AMOTL1: variants seen among roughly 807,000 people sequenced by gnomAD.
AMOTL1 encodes the protein angiomotin-like protein 1.
In AMOTL1, 45 loss-of-function variants were observed where a neutral mutation model predicts 102.9. That is an observed-to-expected ratio of 0.44 (90% CI 0.34 to 0.56). The LOEUF (loss-of-function observed/expected upper bound fraction) is 0.56. Among genes scored for constraint, AMOTL1 ranks in the 20% least tolerant of loss-of-function variants. AMOTL1 has a pLI of 0.01. For synonymous variants in AMOTL1, 481 were observed against 484.7 expected, an observed-to-expected ratio of 0.99 and a Z score of 0.10; for missense variants, 1,114 against 1,225.6, an observed-to-expected ratio of 0.91 and a Z score of 1.36.
intron 3 of AMOTL1, among the ~76,000 whole-genome samples, chr11:94,815,467 A>T (rs930054090): frequency 8.5e-5 from 13 of 152,154 alleles, no homozygotes; most frequent in African/African-American, 2.2e-4. Context: ...ATCTGGTTGA[A>T]AAAACAATTA....
chr11:94,748,037 G>A (rs1380805208), intron 3 of AMOTL1, among the ~76,000 whole-genome samples: 1 of 152,160 alleles, frequency 6.6e-6, no homozygotes, highest in Admixed American at 6.5e-5. Flanking sequence ...GACTATACCA[G>A]TCGTATTTCT....
intron 9 of AMOTL1, among the ~76,000 whole-genome samples, chr11:94,861,454 C>T (rs1034520804): frequency 6.6e-6 from 1 of 152,154 alleles, no homozygotes; most frequent in African/African-American, 2.4e-5. Context: ...GTCTAGTGCA[C>T]TGCTGTCCAC....
At chr11:94,725,490 A>T (rs1256536645) in intron 1 of AMOTL1, among the ~76,000 whole-genome samples, 1 of 152,166 alleles carries the variant, frequency 6.6e-6, no homozygotes, top group African/African-American at 2.4e-5. Context: ...TTATGATGAC[A>T]CTGTGCAAAT....
intron 3 of AMOTL1, among the ~76,000 whole-genome samples, chr11:94,805,134 G>A (rs545208100): frequency 1.3e-5 from 2 of 152,298 alleles, no homozygotes; most frequent in African/African-American, 2.4e-5. Flanking sequence ...CAGTGGAGCC[G>A]CAGATTTAAG....
chr11:94,764,819 T>C (rs1487446705), upstream of AMOTL1, among the ~76,000 whole-genome samples: 1 of 152,234 alleles, frequency 6.6e-6, no homozygotes, highest in Non-Finnish European at 1.5e-5. Context: ...TTTCTAACTT[T>C]TACTGAATTC....
chr11:94,749,346 G>A (rs887539326), intron 3 of AMOTL1, among the ~76,000 whole-genome samples: 5 of 152,146 alleles, frequency 3.3e-5, no homozygotes, highest in Admixed American at 3.3e-4. Flanking sequence ...CCTTTCCTCA[G>A]CCCTTTTGGT....
intron 2 of AMOTL1, among the ~76,000 whole-genome samples, chr11:94,740,621 G>T (rs1950507290): frequency 6.6e-6 from 1 of 151,926 alleles, no homozygotes; most frequent in East Asian, 1.9e-4. Context: ...CGGGCTGAGG[G>T]CAGAGGATGC....
chr11:94,742,487 G>C (rs1950540526), intron 3 of AMOTL1, among the ~76,000 whole-genome samples: 1 of 152,208 alleles, frequency 6.6e-6, no homozygotes, highest in Non-Finnish European at 1.5e-5. Flanking sequence ...TTGTGCTTCA[G>C]GAAGGCCCAG....
chr11:94,786,475 A>T (rs1315846552), intron 1 of AMOTL1, among the ~76,000 whole-genome samples: 3 of 152,190 alleles, frequency 2.0e-5, no homozygotes, highest in Admixed American at 6.5e-5. Context: ...TGGGCTCAGG[A>T]CCTGCCTGTG....
chr11:94,747,790 G>A (rs1950607317), intron 3 of AMOTL1, among the ~76,000 whole-genome samples: 1 of 152,134 alleles, frequency 6.6e-6, no homozygotes. Flanking sequence ...ATCTTCTAGG[G>A]GCTCAGATTC....
intron 5 of AMOTL1, 41 bp from the exon 6 acceptor site, chr11:94,831,411 C>A: frequency 6.7e-7 from 1 of 1,489,050 alleles, no homozygotes; most frequent in Non-Finnish European, 9.3e-7. Flanking sequence ...TGACTTCAAT[C>A]CATATACATT....
chr11:94,814,519 A>G (rs1951733732), intron 3 of AMOTL1, among the ~76,000 whole-genome samples: 1 of 152,202 alleles, frequency 6.6e-6, no homozygotes, highest in Non-Finnish European at 1.5e-5. Flanking sequence ...TAAACGAGGG[A>G]GAAGGAGTGT....
intron 3 of AMOTL1, among the ~76,000 whole-genome samples, chr11:94,747,359 CAGGAG>C (rs1449791217): frequency 6.6e-6 from 1 of 152,044 alleles, no homozygotes; most frequent in African/African-American, 2.4e-5. Context: ...CTATGAGTGC[CAGGAG>C]AGGAGTGTGT....
chr11:94,837,732 G>A (rs758679309), intron 6 of AMOTL1, among the ~76,000 whole-genome samples: 1 of 152,204 alleles, frequency 6.6e-6, no homozygotes. Flanking sequence ...TTGAAGAAGT[G>A]CCTATTGGTC....
intron 3 of AMOTL1, among the ~76,000 whole-genome samples, chr11:94,744,753 C>T (rs1227011877): frequency 1.3e-5 from 2 of 152,120 alleles, no homozygotes; most frequent in Non-Finnish European, 2.9e-5. Flanking sequence ...GGTTTAATAA[C>T]AACTTTTCAG....
intron 1 of AMOTL1, among the ~76,000 whole-genome samples, chr11:94,728,526 T>A (rs761262199): frequency 6.6e-6 from 1 of 152,212 alleles, no homozygotes; most frequent in Non-Finnish European, 1.5e-5. Flanking sequence ...CAATGAAAAC[T>A]GCTTCTAACT....
intron 1 of AMOTL1, among the ~76,000 whole-genome samples, chr11:94,768,909 C>A (rs1344663252): frequency 2.6e-5 from 4 of 151,896 alleles, no homozygotes; most frequent in Admixed American, 2.0e-4. Context: ...CGCGCCCGCG[C>A]GCGGGTCTCG....
intron 8 of AMOTL1, among the ~76,000 whole-genome samples, chr11:94,854,633 G>C (rs1382061680): frequency 6.6e-6 from 1 of 152,140 alleles, no homozygotes; most frequent in Non-Finnish European, 1.5e-5. Context: ...GAAACATGAT[G>C]CAAGAGATCA....
chr11:94,733,361 T>G (rs1950386081), intron 2 of AMOTL1, among the ~76,000 whole-genome samples: 1 of 152,232 alleles, frequency 6.6e-6, no homozygotes, highest in Non-Finnish European at 1.5e-5. Flanking sequence ...CCTTAAAGTC[T>G]CTCATCTGTT....
Sources: allele counts gnomAD v4.1 joint callset (sites outside exome capture counted in the v4.1 genomes callset), GRCh38; gene constraint gnomAD v4.1.1; transcripts MANE v1.5; gene names NCBI Gene and HGNC (gene_info 2026-07-23, HGNC 2026-07-21).